Variants in ENTREP2 observed in about 807,000 individuals in gnomAD.
ENTREP2 encodes the protein endosomal transmembrane epsin interactor 2.
the ENTREP2 span, among the ~76,000 whole-genome samples, chr15:29,324,665 C>T: frequency 2.0e-5 from 3 of 152,022 alleles, no homozygotes; most frequent in South Asian, 2.1e-4. Context: ...GAGGTCAATA[C>T]GAGCATCCAT....
At chr15:29,123,189 CCA>C in the ENTREP2 span, 1 of 825,158 alleles carries the variant, frequency 1.2e-6, no homozygotes, top group Admixed American at 3.1e-5. Flanking sequence ...AGTTCCCTGC[CCA>C]CACCGCCCCC....
the ENTREP2 span, among the ~76,000 whole-genome samples, chr15:29,470,655 G>A: frequency 5.3e-5 from 8 of 152,302 alleles, no homozygotes; most frequent in African/African-American, 1.9e-4. Flanking sequence ...TGGCAGACAA[G>A]GTGATGCGTG....
At chr15:29,497,517 C>T in the ENTREP2 span, among the ~76,000 whole-genome samples, 1 of 152,006 alleles carries the variant, frequency 6.6e-6, no homozygotes, top group African/African-American at 2.4e-5. Flanking sequence ...ATGATTAAGT[C>T]TTTGTAGGTT....
chr15:29,348,897 C>T, the ENTREP2 span, among the ~76,000 whole-genome samples: 1 of 152,162 alleles, frequency 6.6e-6, no homozygotes, highest in Non-Finnish European at 1.5e-5. Flanking sequence ...AGAATTGTGG[C>T]CTAACTTCTG....
chr15:29,336,163 T>C, the ENTREP2 span, among the ~76,000 whole-genome samples: 1,063 of 101,962 alleles, frequency 0.01, 18 homozygotes, highest in African/African-American at 0.036. Context: ...AAAAAAAAAA[T>C]TCCTTGCTGG....
chr15:29,388,821 G>A, the ENTREP2 span, among the ~76,000 whole-genome samples: 1 of 152,176 alleles, frequency 6.6e-6, no homozygotes. Context: ...GTAGAGACAT[G>A]GATGAAGCTG....
the ENTREP2 span, chr15:29,570,735 C>T: frequency 6.2e-6 from 6 of 974,768 alleles, no homozygotes; most frequent in Non-Finnish European, 7.3e-6. Context: ...GCGCCGGGCG[C>T]CCGCACGCCT....
the ENTREP2 span, among the ~76,000 whole-genome samples, chr15:29,534,312 T>C: frequency 2.6e-5 from 4 of 152,034 alleles, no homozygotes; most frequent in East Asian, 3.9e-4. Context: ...CGTGGAGATA[T>C]TGGATTTAGA....
chr15:29,657,029 G>T, the ENTREP2 span, among the ~76,000 whole-genome samples: 14 of 152,014 alleles, frequency 9.2e-5, no homozygotes, highest in African/African-American at 1.5e-4. Flanking sequence ...GAACGAAGCC[G>T]GGCCTTCGTG....
the ENTREP2 span, among the ~76,000 whole-genome samples, chr15:29,178,611 C>T: frequency 6.6e-6 from 1 of 151,970 alleles, no homozygotes; most frequent in African/African-American, 2.4e-5. Flanking sequence ...TGGTCATCTT[C>T]CTTTGCTCAC....
chr15:29,276,808 T>A, the ENTREP2 span, among the ~76,000 whole-genome samples: 1 of 152,184 alleles, frequency 6.6e-6, no homozygotes, highest in African/African-American at 2.4e-5. Flanking sequence ...TCTGGCTAAA[T>A]CAGTAGCCAA....
At chr15:29,671,254 C>T in the ENTREP2 span, among the ~76,000 whole-genome samples, 2 of 152,184 alleles carry the variant, frequency 1.3e-5, no homozygotes, top group Non-Finnish European at 2.9e-5. Context: ...CCTGGCTGTT[C>T]GTCTGTGTCC....
the ENTREP2 span, among the ~76,000 whole-genome samples, chr15:29,229,172 A>G: frequency 6.6e-6 from 1 of 151,414 alleles, no homozygotes; most frequent in African/African-American, 2.4e-5. Context: ...AAAAGTATGA[A>G]AAAGAAATTT....
chr15:29,591,346 C>T, the ENTREP2 span, among the ~76,000 whole-genome samples: 1 of 152,178 alleles, frequency 6.6e-6, no homozygotes, highest in African/African-American at 2.4e-5. Flanking sequence ...TCGGGCTTCT[C>T]GACTCCTCAC....
the ENTREP2 span, among the ~76,000 whole-genome samples, chr15:29,214,690 T>TAAAA: frequency 7.1e-6 from 1 of 141,712 alleles, no homozygotes; most frequent in Admixed American, 6.9e-5. Context: ...AGTATAATAA[T>TAAAA]AAAAAAAAAA....
chr15:29,360,113 G>C, the ENTREP2 span, among the ~76,000 whole-genome samples: 1 of 152,152 alleles, frequency 6.6e-6, no homozygotes, highest in Non-Finnish European at 1.5e-5. Flanking sequence ...ATTTTATTCT[G>C]ATGATTTATT....
the ENTREP2 span, chr15:29,268,775 C>G: frequency 6.3e-7 from 1 of 1,584,698 alleles, no homozygotes. Context: ...CCCGGGGGTC[C>G]CTCTGAATCC....
chr15:29,350,899 G>A, the ENTREP2 span, among the ~76,000 whole-genome samples: 4 of 152,112 alleles, frequency 2.6e-5, no homozygotes, highest in African/African-American at 4.8e-5. Flanking sequence ...CCAAGATCAC[G>A]CCACTGCACT....
At chr15:29,399,366 T>C in the ENTREP2 span, among the ~76,000 whole-genome samples, 1 of 152,060 alleles carries the variant, frequency 6.6e-6, no homozygotes, top group Non-Finnish European at 1.5e-5. Context: ...CACATAACAA[T>C]AGAAAACTAA....
Sources: gnomAD v4.1 joint callset for allele counts (sites outside exome capture counted in the v4.1 genomes callset) on GRCh38, gnomAD v4.1.1 for gene constraint, MANE v1.5 for transcripts, NCBI Gene and HGNC (gene_info 2026-07-23, HGNC 2026-07-21) for gene names.